Variants in VRK3 observed in about 807,000 individuals in gnomAD.
VRK3 encodes the protein serine/threonine-protein kinase VRK3.
A neutral mutation model predicts 60.4 loss-of-function variants in VRK3; 50 were observed. The observed-to-expected ratio is 0.83, with a 90% CI of 0.66 to 1.05. The LOEUF (loss-of-function observed/expected upper bound fraction) is 1.05. Ranked by LOEUF, VRK3 falls within the 50% of genes least tolerant of loss-of-function variation. VRK3 has a pLI of 0.00. For synonymous variants in VRK3, 246 were observed against 227.8 expected (o/e 1.08, Z -0.72); for missense variants, 549 against 585.3 (o/e 0.94, Z 0.64).
chr19:50,024,740 C>A (rs564597641), intron 1 of VRK3, among the ~76,000 whole-genome samples: 2 of 152,204 alleles, frequency 1.3e-5, no homozygotes, highest in Non-Finnish European at 2.9e-5. Context: ...ATGCAATGGC[C>A]AGGTCAGGAC....
rs552570850 is a variant in VRK3 at position 50,001,910 on chromosome 19, G to A, written c.548-1056C>T. Among the ~76,000 whole-genome samples, 7 of 152,144 alleles carry A rather than the reference G, an allele frequency of 4.6e-5. No individual in the cohort carries two copies. In the South Asian group the frequency reaches 8.3e-4, roughly 18 times the overall value. On this transcript the variant is annotated intron_variant, in intron 5 of 14. Coordinates refer to ENST00000316763, the MANE Select transcript of VRK3 (RefSeq NM_016440.4). ...TGGCAGGAGTAAGAGCAGCACCAGC[G>A]ATGTGTGCAGCAAGAGTCTGCATCC...
intron 9 of VRK3, among the ~76,000 whole-genome samples, chr19:49,993,818 C>T: frequency 6.6e-6 from 1 of 152,234 alleles, no homozygotes; most frequent in East Asian, 1.9e-4. Context: ...CCTATAGACT[C>T]TCCACCCCCG....
intron 14 of VRK3, among the ~76,000 whole-genome samples, chr19:49,977,695 G>C (rs941968691): frequency 6.6e-6 from 1 of 152,194 alleles, no homozygotes; most frequent in African/African-American, 2.4e-5. Flanking sequence ...TGCTGGGGGA[G>C]CAAGGGTGTT....
At chr19:50,015,171 A>G (rs117014295) in intron 3 of VRK3, among the ~76,000 whole-genome samples, 2,747 of 152,244 alleles carry the variant, frequency 0.018, 43 homozygotes, top group Middle Eastern at 0.048. Context: ...AGGCATGTTC[A>G]GACTAAGATG....
At chr19:49,978,203 G>A (rs2076363856) in intron 14 of VRK3, among the ~76,000 whole-genome samples, 1 of 152,152 alleles carries the variant, frequency 6.6e-6, no homozygotes, top group Non-Finnish European at 1.5e-5. Context: ...CCCGCATCCT[G>A]ACAACCAAGT....
chr19:50,024,487 G>A (rs921298937), intron 1 of VRK3, among the ~76,000 whole-genome samples: 7 of 152,092 alleles, frequency 4.6e-5, no homozygotes, highest in African/African-American at 9.7e-5. Flanking sequence ...TATAGATAAG[G>A]GACTGCAGAC....
At chr19:49,981,676 T>A (rs529165304) in intron 12 of VRK3, 2 of 991,694 alleles carry the variant, frequency 2.0e-6, no homozygotes, top group East Asian at 1.1e-4. Flanking sequence ...ACGGAGAGGA[T>A]CCCTTTGATG....
intron 5 of VRK3, among the ~76,000 whole-genome samples, chr19:50,003,774 G>C (rs565071099): frequency 6.6e-4 from 100 of 152,362 alleles, no homozygotes; most frequent in African/African-American, 1.9e-3. Flanking sequence ...TTTGCTCTGG[G>C]GCGATGTCAC....
chr19:49,995,884 G>A (rs2076694557), intron 7 of VRK3, among the ~76,000 whole-genome samples: 1 of 152,112 alleles, frequency 6.6e-6, no homozygotes, highest in South Asian at 2.1e-4. Flanking sequence ...ATGTAGCTGG[G>A]ATTGCAGGCT....
chr19:49,981,085 A>G (rs1267162612), intron 12 of VRK3, 72 bp from the exon 13 acceptor site: 9 of 1,153,730 alleles, frequency 7.8e-6, no homozygotes, highest in Non-Finnish European at 1.0e-5. Flanking sequence ...AGAATGCCTA[A>G]GATATATACA....
chr19:50,011,971 CT>C (rs36006212), intron 3 of VRK3, among the ~76,000 whole-genome samples: 21,365 of 139,102 alleles, frequency 0.15, 1,775 homozygotes, highest in East Asian at 0.39. Context: ...CTTGCTCATT[CT>C]TTTTTTTTTT....
rs568877003 is a variant in VRK3, at chr19:50,019,674, C to CTTTTTTTTTTTTTTT, written c.-2+896_-2+910dup. 6.9e-4 allele frequency among the ~76,000 whole-genome samples: 31 copies of CTTTTTTTTTTTTTTT among 45,014 alleles called. 4 individuals carry two copies. Among genetic ancestry groups the CTTTTTTTTTTTTTTT allele is most frequent in the African/African-American group, 1.1e-3 (17 of 14,808 alleles). The allele number at this position is 45,014 out of a possible 152,430, so 29.5% of individuals were successfully genotyped here. On this transcript the variant is annotated intron_variant, in intron 2 of 14. Coordinates refer to ENST00000316763, the MANE Select transcript of VRK3 (RefSeq NM_016440.4). ...ACAGGCATGTGCCACCATGCCTGGC[C>CTTTTTTTTTTTTTTT]TTTTTTTTTTTTTTTTTTTTTTTTT...
At chr19:50,015,916 T>G in intron 3 of VRK3, 108 bp downstream of exon 3, 1 of 1,484,596 alleles carries the variant, frequency 6.7e-7, no homozygotes, top group Non-Finnish European at 9.2e-7. Flanking sequence ...GCTTCTCCAG[T>G]GTCAGGACAG....
At chr19:50,024,055 A>C (rs2095650731) in intron 1 of VRK3, among the ~76,000 whole-genome samples, 1 of 152,130 alleles carries the variant, frequency 6.6e-6, no homozygotes, top group South Asian at 2.1e-4. Context: ...TCCCTGCCTC[A>C]ACCTCCCGAG....
intron 14 of VRK3, among the ~76,000 whole-genome samples, chr19:49,978,271 C>G (rs1161958807): frequency 1.3e-5 from 2 of 152,166 alleles, no homozygotes; most frequent in African/African-American, 4.8e-5. Flanking sequence ...AAGCACTGAG[C>G]TTTGGTTCCA....
In VRK3 at chr19:50,007,776, T is replaced by C; in HGVS notation, c.340A>G (p.Lys114Glu). 1.2e-6 allele frequency: 2 copies of C among 1,613,988 alleles called. No homozygotes were observed. The highest frequency in any genetic ancestry group is 4.5e-5 in the East Asian group (2 of 44,876). Residue 114 changes from lysine (K) to glutamate (E), a missense_variant, in exon 5 of 15, where the codon AAG (lysine) becomes GAG (glutamate). Transcript: ENST00000316763. ...TPKSSPQKTR[K>E]SPQVTRGSPQ... ...CTACCCCTGGTCACCTGAGGGCTCT[T>C]CCTGGTCTTCTGAGGGCTGCTTTTG...
chr19:49,995,546 G>A (rs533303180), intron 7 of VRK3, among the ~76,000 whole-genome samples: 1 of 152,270 alleles, frequency 6.6e-6, no homozygotes, highest in East Asian at 1.9e-4. Context: ...TGCAGAGATG[G>A]GATAATGACA....
rs11882155 is a variant in VRK3 at position 50,000,637 on chromosome 19, C to G, written c.612+153G>C. 2.7e-5 allele frequency: 22 copies of G among 829,654 alleles called. No homozygotes were observed. The East Asian group carries it at 5.4e-4, about 21-fold the overall frequency. 51.4% of individuals were successfully genotyped at this position (829,654 alleles called of 1,614,324 possible). A position where few individuals can be genotyped will look rare whatever the true frequency, so the allele number is the denominator to read the frequency against. ...CACCCTGGGATGATGGAGAACTGGG[C>G]GCCTGCCCCGCCCACGGTCTTAATA... On this transcript the variant is annotated intron_variant, in intron 6 of 14. Transcript: ENST00000316763.
intron 3 of VRK3, among the ~76,000 whole-genome samples, chr19:50,011,403 G>A (rs2076991741): frequency 6.6e-6 from 1 of 152,094 alleles, no homozygotes; most frequent in South Asian, 2.1e-4. Flanking sequence ...TTTCTTTTTA[G>A]TTGACACTGA....
Sources: gnomAD v4.1 joint callset for allele counts (sites outside exome capture counted in the v4.1 genomes callset) on GRCh38, gnomAD v4.1.1 for gene constraint, MANE v1.5 for transcripts, NCBI Gene and HGNC (gene_info 2026-07-23, HGNC 2026-07-21) for gene names.